The following XPNPEP3 variants were observed in gnomAD, a reference collection of about 807,000 sequenced individuals.
XPNPEP3 encodes the protein X-prolyl aminopeptidase 3, also known as xaa-Pro aminopeptidase 3.
Under a neutral mutation model 60.0 loss-of-function variants are expected in XPNPEP3, and 41 were observed. That is an observed-to-expected ratio of 0.68 (90% CI 0.53 to 0.89). XPNPEP3 has a LOEUF of 0.89. Among genes scored for constraint, XPNPEP3 ranks in the 40% least tolerant of loss-of-function variants. The probability of loss-of-function intolerance (pLI) is 0.00; values close to 1 mark genes in which losing one functional copy is unlikely to be tolerated. For missense variants in XPNPEP3, 598 were observed against 638.9 expected (o/e 0.94, Z 0.69); for synonymous variants, 212 against 223.2 (o/e 0.95, Z 0.45).
chr22:40,870,374 C>T (rs2057999066), intron 2 of XPNPEP3: 1 of 219,224 alleles, frequency 4.6e-6, no homozygotes, highest in Admixed American at 5.6e-5. Flanking sequence ...TTGCTCTATA[C>T]CTTAAGTGCA....
At chr22:40,871,650 C>T (rs1196302454) in intron 2 of XPNPEP3, among the ~76,000 whole-genome samples, 1 of 151,968 alleles carries the variant, frequency 6.6e-6, no homozygotes, top group African/African-American at 2.4e-5. Flanking sequence ...TCTTTTTAGT[C>T]CTATTTCTTA....
chr22:40,919,940 T>C (rs2058210295), intron 7 of XPNPEP3, among the ~76,000 whole-genome samples: 1 of 152,200 alleles, frequency 6.6e-6, no homozygotes, highest in Admixed American at 6.5e-5. Flanking sequence ...GCATAGATTA[T>C]GTTCAGTGAA....
intron 2 of XPNPEP3, among the ~76,000 whole-genome samples, chr22:40,874,421 G>GTGTTTT (rs144729135): frequency 0.062 from 9,394 of 151,462 alleles, 943 homozygotes; most frequent in African/African-American, 0.21. Flanking sequence ...CTTAGAACAT[G>GTGTTTT]TGTTTTTGTT....
chr22:40,862,648 A>T, intron 1 of XPNPEP3: 1 of 985,472 alleles, frequency 1.0e-6, no homozygotes, highest in African/African-American at 1.7e-5. Context: ...TGGAGGAAGT[A>T]GCCTGATATG....
rs1261369909 is a variant in XPNPEP3, at chr22:40,930,124, G to A, written c.*3689G>A. The A allele has an allele frequency of 2.0e-5, 3 of 150,064 alleles. No homozygotes were observed. The highest frequency in any genetic ancestry group is 1.5e-5 in the Non-Finnish European group (1 of 67,670). 9.3% of individuals were successfully genotyped at this position (150,064 alleles called of 1,614,324 possible). A position where few individuals can be genotyped will look rare whatever the true frequency, so the allele number is the denominator to read the frequency against. On this transcript the variant is annotated 3_prime_UTR_variant, in exon 10 of 10. Transcript: ENST00000357137. The stretch of plus-strand genomic sequence containing the variant: ...TTTTTTTTTTAAAGGTTTTTTGTGG[G>A]GTTTTTTTGTTTTTTTTTTTTTTGA...
chr22:40,903,304 T>C (rs1049309394), intron 4 of XPNPEP3, among the ~76,000 whole-genome samples: 1 of 152,316 alleles, frequency 6.6e-6, no homozygotes, highest in Non-Finnish European at 1.5e-5. Context: ...TTAAACGTTC[T>C]GTTTTCCTTA....
chr22:40,862,894 G>C (rs941678236), intron 1 of XPNPEP3: 1 of 272,272 alleles, frequency 3.7e-6, no homozygotes, highest in Non-Finnish European at 5.6e-6. Context: ...AATACAAATA[G>C]GAGAACAAAT....
chr22:40,880,637 G>A (rs1285800176), intron 2 of XPNPEP3, among the ~76,000 whole-genome samples: 1 of 151,876 alleles, frequency 6.6e-6, no homozygotes, highest in Non-Finnish European at 1.5e-5. Context: ...TACAGTGTGT[G>A]TATATAAGGA....
Position 40,857,247 on chromosome 22 carries a change from T to G in XPNPEP3, c.64+2T>G. On this transcript the variant is annotated splice_donor_variant, in intron 1 of 9. Transcript: ENST00000357137. LOFTEE classifies it high-confidence loss of function. Reference sequence around the variant, plus strand: ...TAGCAAACGTCCGCGGCCTCTCAGGTTAGACTCTTCTCCCACGGTCTCCTC... The same window carrying G: ...TAGCAAACGTCCGCGGCCTCTCAGGGTAGACTCTTCTCCCACGGTCTCCTC... 1 of 1,614,136 alleles carries G rather than the reference T, an allele frequency of 6.2e-7. No homozygotes were observed. The highest frequency in any genetic ancestry group is 1.3e-5 in the African/African-American group (1 of 75,056).
intron 6 of XPNPEP3, among the ~76,000 whole-genome samples, chr22:40,909,606 A>G (rs1217380736): frequency 6.6e-6 from 1 of 151,914 alleles, no homozygotes; most frequent in African/African-American, 2.4e-5. Flanking sequence ...CTCTACTAAA[A>G]ATACAAAAAT....
rs183275056 is a variant in XPNPEP3 at position 40,907,685 on chromosome 22, G to A, written c.855+36G>A. 6.9e-4 allele frequency: 1,091 copies of A among 1,588,472 alleles called. 1 individual carries two copies. Among genetic ancestry groups the A allele is most frequent in the Non-Finnish European group, 7.7e-4 (890 of 1,156,872 alleles). The stretch of plus-strand genomic sequence containing the variant: ...GATGGTTAGCTTCACCATCTTGTTG[G>A]AGGTGAATATAATAATTTGATTTGC... On this transcript the variant is annotated intron_variant, in intron 5 of 9. Coordinates refer to ENST00000357137, the MANE Select transcript of XPNPEP3 (RefSeq NM_022098.4).
At chr22:40,873,961 C>T (rs1190396195) in intron 2 of XPNPEP3, among the ~76,000 whole-genome samples, 1 of 152,030 alleles carries the variant, frequency 6.6e-6, no homozygotes, top group African/African-American at 2.4e-5. Flanking sequence ...ATCAGCTGCC[C>T]ATCTTTCAGT....
At chr22:40,905,911 C>A (rs1457344644) in intron 4 of XPNPEP3, among the ~76,000 whole-genome samples, 2 of 152,082 alleles carry the variant, frequency 1.3e-5, no homozygotes, top group Admixed American at 1.3e-4. Flanking sequence ...CCTGTCCCAG[C>A]CTCCTGAGTA....
Position 40,886,471 on chromosome 22 carries a change from G to T in XPNPEP3, c.748G>T (p.Ala250Ser). 1 of 1,614,058 alleles carries T rather than the reference G, an allele frequency of 6.2e-7. No homozygotes were observed. Among genetic ancestry groups the T allele is most frequent in the Non-Finnish European group, 8.5e-7 (1 of 1,180,014 alleles). Residue 250 changes from alanine (A) to serine (S), a missense_variant, in exon 4 of 10, where the codon GCA becomes TCA. Physicochemically the swap from Ala to Ser is moderately conservative, Grantham distance 99. Transcript: ENST00000357137. ...GCGCCTCCGGCTGATCAAGTCTCCT[G>T]CAGAAATTGAACGAATGCAGATTGC... Reference protein sequence around the residue: ...IQRLRLIKSPAEIERMQIAGK... With the variant: ...IQRLRLIKSPSEIERMQIAGK...
At chr22:40,907,265 C>T (rs2058159648) in intron 4 of XPNPEP3, 2 of 425,234 alleles carry the variant, frequency 4.7e-6, no homozygotes, top group South Asian at 3.4e-5. Flanking sequence ...ACTAAAAATA[C>T]AAAAAATTAG....
Position 40,884,951 on chromosome 22 carries a change from C to T in XPNPEP3, c.590-1362C>T, listed in dbSNP as rs558512513. ...GTTGAGGCAGGGGAATTGCTTGAAC[C>T]AGGGAGGTGGAGGTTGCAGTGAGCC... On this transcript the variant is annotated intron_variant, in intron 3 of 9. Transcript: ENST00000357137. Among the ~76,000 whole-genome samples, 6 of 151,468 alleles carry T rather than the reference C, an allele frequency of 4.0e-5. No homozygotes were observed. The East Asian group carries it at 1.2e-3, about 30-fold the overall frequency.
At chr22:40,920,943 C>A (rs2058214186) in intron 7 of XPNPEP3, among the ~76,000 whole-genome samples, 1 of 152,190 alleles carries the variant, frequency 6.6e-6, no homozygotes, top group African/African-American at 2.4e-5. Context: ...CAGACATGCA[C>A]CACCATGCCC....
intron 2 of XPNPEP3, among the ~76,000 whole-genome samples, chr22:40,871,298 A>G (rs1247421569): frequency 1.3e-5 from 2 of 152,112 alleles, no homozygotes; most frequent in Admixed American, 6.6e-5. Flanking sequence ...GGATGCAGTG[A>G]GCTGTGATCA....
chr22:40,870,037 T>G (rs1024779437), intron 2 of XPNPEP3: 1 of 470,878 alleles, frequency 2.1e-6, no homozygotes, highest in Non-Finnish European at 4.4e-6. Flanking sequence ...CTTTTGCTGA[T>G]TTTTCATCAG....
Sources: gnomAD v4.1 joint callset for allele counts (sites outside exome capture counted in the v4.1 genomes callset) on GRCh38, gnomAD v4.1.1 for gene constraint, MANE v1.5 for transcripts, NCBI Gene and HGNC (gene_info 2026-07-23, HGNC 2026-07-21) for gene names.